The following ESRRB variants were observed in gnomAD, a reference collection of about 807,000 sequenced individuals.
ESRRB encodes estrogen related receptor beta.
In ESRRB, 16 loss-of-function variants were observed where a neutral mutation model predicts 46.0. The ratio of observed to expected loss-of-function variants is 0.35; its 90% CI spans 0.24 to 0.53. ESRRB has a LOEUF of 0.53. ESRRB is among the 20% of genes least tolerant of loss of function. The pLI, the probability that ESRRB is intolerant of heterozygous loss-of-function variation, is 0.93. For missense variants in ESRRB, 488 were observed against 607.4 expected (o/e 0.80, Z 2.07); for synonymous variants, 246 against 259.6 (o/e 0.95, Z 0.50).
At chr14:76,411,459 A>G (rs1160203815) in intron 1 of ESRRB, among the ~76,000 whole-genome samples, 1 of 151,948 alleles carries the variant, frequency 6.6e-6, no homozygotes, top group Admixed American at 6.6e-5. Flanking sequence ...CAAAAAAAAA[A>G]CAGGAGGTGA....
At chr14:76,365,303 T>C (rs1884507298) in intron 1 of ESRRB, among the ~76,000 whole-genome samples, 1 of 152,160 alleles carries the variant, frequency 6.6e-6, no homozygotes, top group African/African-American at 2.4e-5. Context: ...AGTGAGACCC[T>C]TGTCTCTACA....
In ESRRB at chr14:76,500,395, C is replaced by T. The variant is rs1890618340; in HGVS notation, c.*1937C>T. The T allele has an allele frequency of 1.7e-6, 1 of 586,816 alleles. No homozygotes were observed. Among genetic ancestry groups the T allele is most frequent in the African/African-American group, 1.9e-5 (1 of 53,720 alleles). 36.4% of individuals were successfully genotyped at this position (586,816 alleles called of 1,614,324 possible). On this transcript the variant is annotated 3_prime_UTR_variant, in exon 7 of 7. Transcript: ENST00000644823. ...CCTAGCCCTCCATGCAGCCCATCTT[C>T]CCTCATTTGGGTGGAGGCACACATT...
intron 1 of ESRRB, among the ~76,000 whole-genome samples, chr14:76,413,144 A>G (rs1231514523): frequency 6.6e-6 from 1 of 152,176 alleles, no homozygotes; most frequent in East Asian, 1.9e-4. Context: ...CTGTGCAGGC[A>G]GTTTGCAAAG....
intron 1 of ESRRB, among the ~76,000 whole-genome samples, chr14:76,430,223 T>C (rs1272210078): frequency 6.6e-6 from 1 of 152,164 alleles, no homozygotes; most frequent in Non-Finnish European, 1.5e-5. Context: ...GAGGGGCTGA[T>C]TTGTGACTCA....
At chr14:76,470,586 A>G (rs1211994617) in intron 3 of ESRRB, among the ~76,000 whole-genome samples, 1 of 152,248 alleles carries the variant, frequency 6.6e-6, no homozygotes, top group African/African-American at 2.4e-5. Flanking sequence ...AATTGTAGCC[A>G]TTATCTGGGA....
chr14:76,439,013 G>T (rs1363680855), intron 1 of ESRRB, among the ~76,000 whole-genome samples: 1 of 151,684 alleles, frequency 6.6e-6, no homozygotes, highest in African/African-American at 2.4e-5. Flanking sequence ...TGCCCAGGCT[G>T]GTCTCAAACT....
intron 1 of ESRRB, among the ~76,000 whole-genome samples, chr14:76,401,187 T>C (rs1294266679): frequency 6.6e-6 from 1 of 152,226 alleles, no homozygotes; most frequent in Non-Finnish European, 1.5e-5. Flanking sequence ...GACTGGGAGT[T>C]GTCATTCATG....
In ESRRB at chr14:76,437,395, T is replaced by C. The variant is rs556671102; in HGVS notation, c.51-1946T>C. 3.2e-3 allele frequency among the ~76,000 whole-genome samples: 482 copies of C among 152,216 alleles called. 6 individuals carry two copies. Among genetic ancestry groups the C allele is most frequent in the African/African-American group, 0.011 (462 of 41,546 alleles). Reference sequence around the variant, plus strand: ...GGACAGTGGAGGCCTCTCCCAATCATAAGGTTGCACAGACACATTTTGTGG... The same window carrying C: ...GGACAGTGGAGGCCTCTCCCAATCACAAGGTTGCACAGACACATTTTGTGG... On this transcript the variant is annotated intron_variant, in intron 1 of 6. Coordinates refer to ENST00000644823, the MANE Select transcript of ESRRB (RefSeq NM_001379180.1).
At chr14:76,481,873 T>C (rs931806176) in intron 3 of ESRRB, 143 bp from the exon 4 acceptor site, 1 of 760,738 alleles carries the variant, frequency 1.3e-6, no homozygotes, top group Non-Finnish European at 2.3e-6. Context: ...CCACCTGGCC[T>C]GAGGCTGGCC....
intron 1 of ESRRB, among the ~76,000 whole-genome samples, chr14:76,340,089 T>C (rs1410829596): frequency 1.3e-5 from 2 of 151,938 alleles, no homozygotes; most frequent in African/African-American, 2.4e-5. Flanking sequence ...CAGATAACAA[T>C]TGGGGGGCAG....
At position 76,498,208 on chromosome 14, in the gene ESRRB, C is replaced by T. The variant is rs1890506506; in HGVS notation, c.1121-6C>T. On this transcript the variant is annotated splice_region_variant and splice_polypyrimidine_tract_variant and intron_variant, in intron 6 of 6. Transcript: ENST00000644823. ...AGCCTGCTAATGCTCGTCCTTGTGC[C>T]TGCAGATTCCATGTACATCGAGGAT... The T allele has an allele frequency of 6.2e-7, 1 of 1,613,630 alleles. No individual in the cohort carries two copies. The highest frequency in any genetic ancestry group is 1.3e-5 in the African/African-American group (1 of 74,926).
chr14:76,364,289 G>T (rs915248317), intron 1 of ESRRB, among the ~76,000 whole-genome samples: 2 of 152,180 alleles, frequency 1.3e-5, no homozygotes, highest in African/African-American at 4.8e-5. Context: ...ATTAGAGAAA[G>T]GTAGAGTAGA....
chr14:76,388,239 C>T (rs530562861), intron 1 of ESRRB, among the ~76,000 whole-genome samples: 27 of 140,036 alleles, frequency 1.9e-4, no homozygotes, highest in African/African-American at 7.0e-4. Flanking sequence ...AGTGCAGTGG[C>T]GCAATCTCGG....
At chr14:76,343,150 G>T (rs1251834430) in intron 1 of ESRRB, among the ~76,000 whole-genome samples, 2 of 152,276 alleles carry the variant, frequency 1.3e-5, no homozygotes, top group East Asian at 3.9e-4. Context: ...ACAAAAGTCC[G>T]GGTCTTCAGA....
At chr14:76,412,778 TG>T (rs1489199696) in intron 1 of ESRRB, among the ~76,000 whole-genome samples, 1 of 152,128 alleles carries the variant, frequency 6.6e-6, no homozygotes, top group Non-Finnish European at 1.5e-5. Context: ...CTAATGCATT[TG>T]TATTGCAAAG....
chr14:76,447,110 A>G (rs1888179244), intron 2 of ESRRB, among the ~76,000 whole-genome samples: 1 of 151,954 alleles, frequency 6.6e-6, no homozygotes, highest in South Asian at 2.1e-4. Flanking sequence ...CAACTCACTC[A>G]CTGCTGGAAG....
At chr14:76,486,510 C>A (rs375671590) in intron 5 of ESRRB, among the ~76,000 whole-genome samples, 2 of 152,186 alleles carry the variant, frequency 1.3e-5, no homozygotes, top group African/African-American at 4.8e-5. Flanking sequence ...TCGACAGAAA[C>A]GATCATAAAT....
At chr14:76,410,799 T>G (rs1886403088) in intron 1 of ESRRB, among the ~76,000 whole-genome samples, 1 of 152,118 alleles carries the variant, frequency 6.6e-6, no homozygotes, top group African/African-American at 2.4e-5. Flanking sequence ...TTTTTTATTT[T>G]TTGAGACAGA....
At chr14:76,377,224 C>G (rs1357992354) in intron 1 of ESRRB, among the ~76,000 whole-genome samples, 1 of 152,238 alleles carries the variant, frequency 6.6e-6, no homozygotes, top group East Asian at 1.9e-4. Context: ...AAGCGACTCT[C>G]AGAAACCGCG....
Sources: allele counts gnomAD v4.1 joint callset (sites outside exome capture counted in the v4.1 genomes callset), GRCh38; gene constraint gnomAD v4.1.1; transcripts MANE v1.5; gene names NCBI Gene and HGNC (gene_info 2026-07-23, HGNC 2026-07-21).